The following PSMD1 variants were observed in gnomAD, a reference collection of about 807,000 sequenced individuals.
The protein encoded by PSMD1 is proteasome 26S subunit, non-ATPase 1.
Under a neutral mutation model 119.0 loss-of-function variants are expected in PSMD1, and 18 were observed. That is an observed-to-expected ratio of 0.15 (90% CI 0.10 to 0.22). The LOEUF (loss-of-function observed/expected upper bound fraction) is 0.22. Among genes scored for constraint, PSMD1 ranks in the 10% least tolerant of loss-of-function variants. PSMD1 has a pLI of 1.00. For missense variants in PSMD1, 702 were observed against 1,158.5 expected (o/e 0.61, Z 5.72); for synonymous variants, 374 against 396.6 (o/e 0.94, Z 0.68).
chr2:231,139,205 T>C, intron 17 of PSMD1: 11 of 358,014 alleles, frequency 3.1e-5, no homozygotes, highest in Non-Finnish European at 4.9e-5. Context: ...AGTCTCACCA[T>C]GTTGGCCAGG....
chr2:231,073,808 A>G (rs1694096397), intron 7 of PSMD1, among the ~76,000 whole-genome samples: 1 of 152,026 alleles, frequency 6.6e-6, no homozygotes, highest in Non-Finnish European at 1.5e-5. Flanking sequence ...TTGGTAGTAT[A>G]TAGAAATATA....
At chr2:231,082,828 A>C (rs1225406508) in intron 12 of PSMD1, 55 bp from the exon 13 acceptor site, 1 of 1,295,078 alleles carries the variant, frequency 7.7e-7, no homozygotes, top group African/African-American at 1.5e-5. Context: ...TAGAATAAAA[A>C]CTTGTATGTT....
At chr2:231,082,333 C>T (rs191227454) in intron 12 of PSMD1, among the ~76,000 whole-genome samples, 2 of 152,150 alleles carry the variant, frequency 1.3e-5, no homozygotes, top group African/African-American at 2.4e-5. Context: ...CCTAAAGTGC[C>T]GGGATTACAA....
At chr2:231,165,455 A>G (rs1268182334) in intron 22 of PSMD1, among the ~76,000 whole-genome samples, 169 bp downstream of exon 22, 4 of 152,132 alleles carry the variant, frequency 2.6e-5, no homozygotes, top group Admixed American at 2.0e-4. Flanking sequence ...ACTCGAAAAT[A>G]TATCCATTTG....
chr2:231,126,707 C>T (rs1287622598), intron 16 of PSMD1, among the ~76,000 whole-genome samples: 1 of 151,950 alleles, frequency 6.6e-6, no homozygotes, highest in Non-Finnish European at 1.5e-5. Context: ...AATCCTTTCA[C>T]TCACATTCAC....
chr2:231,087,384 A>AGAACCTCTTTT (rs1452165836), intron 16 of PSMD1, among the ~76,000 whole-genome samples: 1 of 152,216 alleles, frequency 6.6e-6, no homozygotes, highest in Non-Finnish European at 1.5e-5. Context: ...TGGGATTCTG[A>AGAACCTCTTTT]GAACCTCTTT....
At chr2:231,082,267 T>C (rs563241868) in intron 12 of PSMD1, among the ~76,000 whole-genome samples, 2 of 152,246 alleles carry the variant, frequency 1.3e-5, no homozygotes, top group South Asian at 4.1e-4. Flanking sequence ...AGTCTCCCTA[T>C]GTTGCCCAGG....
intron 16 of PSMD1, chr2:231,109,353 T>C: frequency 6.2e-7 from 1 of 1,614,122 alleles, no homozygotes; most frequent in South Asian, 1.1e-5. Flanking sequence ...CAAGTGATAT[T>C]GTTTGGGTTG....
chr2:231,080,040 C>A, intron 11 of PSMD1, 101 bp from the exon 12 acceptor site: 1 of 1,065,488 alleles, frequency 9.4e-7, no homozygotes, highest in Non-Finnish European at 1.3e-6. Flanking sequence ...TCTCTCTTAG[C>A]AAGTGAACAT....
chr2:231,146,061 A>G (rs1696245233), intron 17 of PSMD1, among the ~76,000 whole-genome samples, 179 bp from the exon 18 acceptor site: 2 of 152,172 alleles, frequency 1.3e-5, no homozygotes, highest in African/African-American at 4.8e-5. Flanking sequence ...ACACAGGGCC[A>G]GTATCATCAA....
intron 9 of PSMD1, 57 bp from the exon 10 acceptor site, chr2:231,078,602 G>A (rs1694224129): frequency 1.6e-6 from 2 of 1,280,966 alleles, no homozygotes; most frequent in Non-Finnish European, 2.2e-6. Context: ...GTGTGTGAGG[G>A]TGTGCATATA....
Position 231,122,494 on chromosome 2 carries a change from A to G in PSMD1, c.1884-16242A>G, listed in dbSNP as rs75612053. 4.6e-3 allele frequency among the ~76,000 whole-genome samples: 693 copies of G among 152,274 alleles called. 6 individuals are homozygous for G. Among genetic ancestry groups the G allele is most frequent in the African/African-American group, 0.016 (672 of 41,586 alleles). On this transcript the variant is annotated intron_variant, in intron 16 of 24. Coordinates refer to ENST00000308696, the MANE Select transcript of PSMD1 (RefSeq NM_002807.4). ...TCTGCCACAAGTAATCATTTTGCTTAGGCAGTTTATGAATGGAATATCAGT... is the reference window on the plus strand; with the variant it reads ...TCTGCCACAAGTAATCATTTTGCTTGGGCAGTTTATGAATGGAATATCAGT...
intron 1 of PSMD1, among the ~76,000 whole-genome samples, chr2:231,060,739 T>G (rs1693735935): frequency 6.6e-6 from 1 of 152,246 alleles, no homozygotes; most frequent in Non-Finnish European, 1.5e-5. Flanking sequence ...CTTGAAATAA[T>G]TGAAGTATTT....
At chr2:231,122,333 G>A (rs971552382) in intron 16 of PSMD1, among the ~76,000 whole-genome samples, 2 of 152,076 alleles carry the variant, frequency 1.3e-5, no homozygotes, top group African/African-American at 4.8e-5. Flanking sequence ...ATTGTAATGT[G>A]TAAAACCTGG....
At chr2:231,059,038 A>G (rs926028104) in intron 1 of PSMD1, among the ~76,000 whole-genome samples, 1 of 152,210 alleles carries the variant, frequency 6.6e-6, no homozygotes, top group Admixed American at 6.5e-5. Flanking sequence ...GCAGAAATTC[A>G]AAAGTATGTC....
At chr2:231,084,194 G>GA (rs546147058) in intron 14 of PSMD1, among the ~76,000 whole-genome samples, 19 of 151,622 alleles carry the variant, frequency 1.3e-4, no homozygotes, top group Non-Finnish European at 2.1e-4. Context: ...GCTAAACGTA[G>GA]AAAAAAAATT....
chr2:231,165,811 C>G (rs1472570953), intron 22 of PSMD1, 60 bp from the exon 23 acceptor site: 4 of 1,391,114 alleles, frequency 2.9e-6, no homozygotes, highest in Non-Finnish European at 2.9e-6. Context: ...TCAGATGTTA[C>G]TCAGTTCTGT....
chr2:231,129,593 A>T (rs1052662138), intron 16 of PSMD1, among the ~76,000 whole-genome samples: 1 of 152,214 alleles, frequency 6.6e-6, no homozygotes, highest in Non-Finnish European at 1.5e-5. Flanking sequence ...CTGAATTTGT[A>T]ACATTTATGG....
chr2:231,080,344 C>A, intron 12 of PSMD1, 30 bp downstream of exon 12: 3 of 1,493,624 alleles, frequency 2.0e-6, no homozygotes, highest in South Asian at 1.3e-5. Context: ...ACTAAATTTC[C>A]AAAACTCAAG....
Sources: allele counts gnomAD v4.1 joint callset (sites outside exome capture counted in the v4.1 genomes callset), GRCh38; gene constraint gnomAD v4.1.1; transcripts MANE v1.5; gene names NCBI Gene and HGNC (gene_info 2026-07-23, HGNC 2026-07-21).